The following MPP7 variants were observed in gnomAD, a reference collection of about 807,000 sequenced individuals.
The protein encoded by MPP7 is MAGUK p55 subfamily member 7.
MPP7 carries 60 observed loss-of-function variants against 76.5 expected under a neutral mutation model. The observed-to-expected ratio is 0.78, with a 90% CI of 0.64 to 0.97. The LOEUF is 0.97. Ranked by LOEUF, MPP7 falls within the 50% of genes least tolerant of loss-of-function variation. MPP7 has a pLI of 0.00. For synonymous variants in MPP7, 237 were observed against 244.5 expected (o/e 0.97, Z 0.29); for missense variants, 641 against 694.0 (o/e 0.92, Z 0.86).
chr10:28,091,580 G>A (rs1853306067), intron 11 of MPP7, among the ~76,000 whole-genome samples: 1 of 152,110 alleles, frequency 6.6e-6, no homozygotes, highest in African/African-American at 2.4e-5. Flanking sequence ...GAGCCACCAT[G>A]ACCAGCCATA....
chr10:28,069,762 C>A lies in MPP7; in HGVS notation c.1204+10G>T, dbSNP rs367875876. 2.4e-5 allele frequency: 39 copies of A among 1,610,356 alleles called. No homozygotes were observed. Among genetic ancestry groups the A allele is most frequent in the Non-Finnish European group, 3.1e-5 (37 of 1,176,958 alleles). ...GTAGTCATAGGAACACTGAGTAGCGCAGAACTCACGGGGCACTGTCACGCC... is the reference window on the plus strand; with the variant it reads ...GTAGTCATAGGAACACTGAGTAGCGAAGAACTCACGGGGCACTGTCACGCC... On this transcript the variant is annotated intron_variant, in intron 13 of 16. Coordinates refer to ENST00000683449, the MANE Select transcript of MPP7 (RefSeq NM_001318170.2).
intron 11 of MPP7, among the ~76,000 whole-genome samples, chr10:28,108,955 T>G (rs1401906533): frequency 6.6e-6 from 1 of 152,034 alleles, no homozygotes; most frequent in Non-Finnish European, 1.5e-5. Flanking sequence ...AATGTTTACT[T>G]AGGAGGAGGC....
chr10:28,144,347 G>A (rs1835633243), intron 5 of MPP7, among the ~76,000 whole-genome samples: 1 of 152,048 alleles, frequency 6.6e-6, no homozygotes, highest in Non-Finnish European at 1.5e-5. Context: ...GATTTCAGGT[G>A]TGGCCATATA....
chr10:28,232,618 A>C (rs947110702), intron 2 of MPP7, among the ~76,000 whole-genome samples: 6 of 152,238 alleles, frequency 3.9e-5, no homozygotes, highest in African/African-American at 1.2e-4. Flanking sequence ...TTTCATTCTA[A>C]ATAAATATTC....
At position 28,104,080 on chromosome 10, in the gene MPP7, A is replaced by C. The variant is rs555706151; in HGVS notation, c.953-14239T>G. 2.0e-5 allele frequency among the ~76,000 whole-genome samples: 3 copies of C among 152,326 alleles called. No homozygotes were observed. The East Asian group carries it at 5.8e-4, about 29-fold the overall frequency. ...ATTTTAAGTAATTTTGGTATGAGGA[A>C]TACAAAAAGAAAAGAGAAGACAAAA... On this transcript the variant is annotated intron_variant, in intron 11 of 16. Coordinates refer to ENST00000683449, the MANE Select transcript of MPP7 (RefSeq NM_001318170.2).
chr10:28,093,957 CCTA>C (rs1047305433), intron 11 of MPP7, among the ~76,000 whole-genome samples: 40 of 152,228 alleles, frequency 2.6e-4, no homozygotes, highest in African/African-American at 9.6e-4. Context: ...CAACAAAAAC[CCTA>C]CTATTATTCC....
At chr10:28,286,271 G>T (rs954924445) in intron 1 of MPP7, among the ~76,000 whole-genome samples, 1 of 151,846 alleles carries the variant, frequency 6.6e-6, no homozygotes, top group Non-Finnish European at 1.5e-5. Context: ...GCGTGAACCC[G>T]GGAGGCAGAG....
intron 11 of MPP7, among the ~76,000 whole-genome samples, chr10:28,113,446 G>C (rs1408558382): frequency 6.6e-6 from 1 of 152,126 alleles, no homozygotes; most frequent in South Asian, 2.1e-4. Context: ...TGAATCTACA[G>C]TATTTCCTGG....
intron 5 of MPP7, among the ~76,000 whole-genome samples, chr10:28,143,447 T>C (rs1220137216): frequency 1.3e-5 from 2 of 150,246 alleles, no homozygotes; most frequent in East Asian, 4.1e-4. Flanking sequence ...ACATAATAAA[T>C]TATCACATCT....
intron 3 of MPP7, among the ~76,000 whole-genome samples, chr10:28,154,985 A>G (rs1330785252): frequency 8.6e-5 from 13 of 151,812 alleles, no homozygotes. Context: ...GATGTCATGG[A>G]ACTCAGACAG....
chr10:28,143,102 A>T (rs568782591), intron 5 of MPP7, among the ~76,000 whole-genome samples: 61 of 151,746 alleles, frequency 4.0e-4, no homozygotes, highest in African/African-American at 1.3e-3. Flanking sequence ...AAAATATTAA[A>T]AGAAAAAAAA....
At position 28,270,926 on chromosome 10, in the gene MPP7, T is replaced by A. The variant is rs1229242774; in HGVS notation, c.-132+31935A>T. On this transcript the variant is annotated intron_variant, in intron 1 of 16. Transcript: ENST00000683449. ...TCAGTGGGACTGCCCCAGCCATTTG[T>A]TTTTTGGACTTTTTAGTACAATAGT... Among the ~76,000 whole-genome samples the A allele has an allele frequency of 2.0e-5, 3 of 152,174 alleles. No individual in the cohort carries two copies. In the East Asian group the frequency reaches 5.8e-4, roughly 29 times the overall value.
At chr10:28,274,624 T>C (rs1840435844) in intron 1 of MPP7, among the ~76,000 whole-genome samples, 1 of 152,206 alleles carries the variant, frequency 6.6e-6, no homozygotes, top group Admixed American at 6.5e-5. Flanking sequence ...AGGGCAATCA[T>C]ATCCATCCAC....
At chr10:28,085,354 A>G (rs577467822) in intron 12 of MPP7, among the ~76,000 whole-genome samples, 9 of 152,308 alleles carry the variant, frequency 5.9e-5, no homozygotes, top group African/African-American at 2.2e-4. Context: ...ATACACTCAT[A>G]GCTCTTAGTT....
intron 12 of MPP7, among the ~76,000 whole-genome samples, chr10:28,071,151 G>A (rs1211851201): frequency 2.6e-5 from 4 of 152,196 alleles, no homozygotes; most frequent in African/African-American, 9.7e-5. Flanking sequence ...CATGCACAGT[G>A]GCTAGCACAG....
chr10:28,225,353 T>C (rs1371293576), intron 2 of MPP7, among the ~76,000 whole-genome samples: 1 of 151,994 alleles, frequency 6.6e-6, no homozygotes, highest in Non-Finnish European at 1.5e-5. Flanking sequence ...CATTTGTCCA[T>C]CAAAGGACAT....
chr10:28,200,481 T>C (rs1409276480), intron 3 of MPP7, among the ~76,000 whole-genome samples: 2 of 152,256 alleles, frequency 1.3e-5, no homozygotes, highest in Admixed American at 6.5e-5. Context: ...CCCTCCGCTA[T>C]GCTTTCTAAC....
At chr10:28,235,538 T>C (rs1028575793) in intron 2 of MPP7, among the ~76,000 whole-genome samples, 7 of 152,160 alleles carry the variant, frequency 4.6e-5, no homozygotes, top group African/African-American at 1.7e-4. Context: ...GGACAGACTA[T>C]TGAATAAGTG....
chr10:28,278,064 C>G (rs1426482876), intron 1 of MPP7, among the ~76,000 whole-genome samples: 2 of 152,022 alleles, frequency 1.3e-5, no homozygotes, highest in Non-Finnish European at 2.9e-5. Context: ...TTATAAATAA[C>G]AATTTTATAT....
Sources: allele counts gnomAD v4.1 joint callset (sites outside exome capture counted in the v4.1 genomes callset), GRCh38; gene constraint gnomAD v4.1.1; transcripts MANE v1.5; gene names NCBI Gene and HGNC (gene_info 2026-07-23, HGNC 2026-07-21).